Variants in PHF6 observed in about 807,000 individuals in gnomAD.
PHF6 encodes PHD finger protein 6.
A neutral mutation model predicts 34.0 loss-of-function variants in PHF6; 7 were observed. That is an observed-to-expected ratio of 0.21 (90% CI 0.12 to 0.39). The LOEUF is 0.39. Among genes scored for constraint, PHF6 ranks in the 10% least tolerant of loss-of-function variants. PHF6 has a pLI of 1.00. For synonymous variants in PHF6, 89 were observed against 88.4 expected, an observed-to-expected ratio of 1.01 and a Z score of -0.04; for missense variants, 128 against 262.8, an observed-to-expected ratio of 0.49 and a Z score of 3.55.
chrX:134,389,607 A>G (rs1015794049), intron 3 of PHF6, among the ~76,000 whole-genome samples: 2 of 111,422 alleles, frequency 1.8e-5, no homozygotes, highest in Non-Finnish European at 3.8e-5. Flanking sequence ...ATTTCCTATA[A>G]CATTTTTTAA....
intron 3 of PHF6, among the ~76,000 whole-genome samples, chrX:134,391,226 A>G (rs1432668539): frequency 9.0e-6 from 1 of 111,032 alleles, no homozygotes; most frequent in Non-Finnish European, 1.9e-5. Flanking sequence ...CGCCCGTCTC[A>G]GCCTCCCAAA....
intron 5 of PHF6, among the ~76,000 whole-genome samples, chrX:134,397,477 C>T (rs755811878): frequency 1.4e-4 from 16 of 111,322 alleles, no homozygotes; most frequent in Non-Finnish European, 2.1e-4. Flanking sequence ...GGTGAAACCC[C>T]GTCTCTACTA....
chrX:134,427,243 A>T lies in PHF6; in HGVS notation c.*1583A>T. The T allele has an allele frequency of 6.0e-6, 1 of 165,515 alleles. No homozygotes were observed. Among genetic ancestry groups the T allele is most frequent in the Non-Finnish European group, 1.2e-5 (1 of 85,084 alleles). The allele number at this position is 165,515 out of a possible 1,213,427, so 13.6% of individuals were successfully genotyped here. ...TTTCTCTTTTTGCTCTTAATATGCCATTGGGTTTTTGTGTGTATGTGATTT... is the reference window on the plus strand; with the variant it reads ...TTTCTCTTTTTGCTCTTAATATGCCTTTGGGTTTTTGTGTGTATGTGATTT... On this transcript the variant is annotated 3_prime_UTR_variant, in exon 11 of 11. Coordinates refer to ENST00000370803, the MANE Select transcript of PHF6 (RefSeq NM_001015877.2).
chrX:134,421,813 T>TA (rs199852581), intron 9 of PHF6, among the ~76,000 whole-genome samples: 17,109 of 99,273 alleles, frequency 0.17, 1,511 homozygotes, highest in East Asian at 0.43. Flanking sequence ...TTGCTTTCTT[T>TA]AAAAAAAAAA....
chrX:134,393,808 C>A, intron 4 of PHF6, 101 bp from the exon 5 acceptor site: 2 of 835,865 alleles, frequency 2.4e-6, no homozygotes, highest in Non-Finnish European at 3.5e-6. Context: ...ATTTTGAATC[C>A]AGCTAGTGAA....
intron 9 of PHF6, among the ~76,000 whole-genome samples, chrX:134,424,887 C>A (rs1431745240): frequency 9.0e-6 from 1 of 111,226 alleles, no homozygotes; most frequent in Non-Finnish European, 1.9e-5. Context: ...CATCAATATA[C>A]CTGAAGGTTG....
chrX:134,396,705 G>A (rs1043806962), intron 5 of PHF6, among the ~76,000 whole-genome samples: 1 of 110,538 alleles, frequency 9.0e-6, no homozygotes, highest in African/African-American at 3.3e-5. Context: ...ATTGATTTCT[G>A]GCTTTTATCA....
chrX:134,402,669 A>G (rs1243261442), intron 5 of PHF6, among the ~76,000 whole-genome samples: 1 of 112,235 alleles, frequency 8.9e-6, no homozygotes, highest in East Asian at 2.8e-4. Flanking sequence ...ATTTTATTGC[A>G]CTTCAGTTTA....
chrX:134,389,099 T>C (rs1389860783), intron 3 of PHF6, among the ~76,000 whole-genome samples: 2 of 111,581 alleles, frequency 1.8e-5, no homozygotes, highest in Non-Finnish European at 3.8e-5. Flanking sequence ...GTTTACTAGG[T>C]CGACTAGGTA....
At chrX:134,384,456 T>C (rs755058394) in intron 3 of PHF6, among the ~76,000 whole-genome samples, 5 of 110,712 alleles carry the variant, frequency 4.5e-5, no homozygotes, top group Non-Finnish European at 9.4e-5. Context: ...TTGTCTACTC[T>C]ACATAGATGT....
chrX:134,391,042 T>C (rs2077351867), intron 3 of PHF6, among the ~76,000 whole-genome samples: 2 of 104,039 alleles, frequency 1.9e-5, no homozygotes, highest in Admixed American at 2.1e-4. Flanking sequence ...TGGTACAATC[T>C]CAGCTCACCG....
chrX:134,378,218 A>C, intron 3 of PHF6, 112 bp downstream of exon 3: 1 of 464,780 alleles, frequency 2.2e-6, no homozygotes, highest in African/African-American at 2.5e-5. Context: ...TTTAAATTGC[A>C]GGCTTTTCTT....
intron 5 of PHF6, among the ~76,000 whole-genome samples, chrX:134,400,138 G>A (rs1279254893): frequency 3.6e-5 from 4 of 111,343 alleles, no homozygotes; most frequent in Non-Finnish European, 7.5e-5. Flanking sequence ...GAATCCAGTG[G>A]CTCAATCACG....
intron 5 of PHF6, among the ~76,000 whole-genome samples, chrX:134,404,858 A>G (rs1452842940): frequency 8.9e-6 from 1 of 112,081 alleles, no homozygotes; most frequent in Admixed American, 9.5e-5. Context: ...TAATGAAGGT[A>G]CATACCCTTT....
chrX:134,397,726 C>A (rs1163958403), intron 5 of PHF6, among the ~76,000 whole-genome samples: 1 of 111,831 alleles, frequency 8.9e-6, no homozygotes, highest in Admixed American at 9.5e-5. Context: ...GGACAGAGTC[C>A]TTCCGGAATT....
intron 3 of PHF6, among the ~76,000 whole-genome samples, chrX:134,391,324 A>G (rs1431610781): frequency 8.9e-6 from 1 of 112,150 alleles, no homozygotes; most frequent in Non-Finnish European, 1.9e-5. Flanking sequence ...AGACTGTTCT[A>G]AATAATTCTA....
intron 3 of PHF6, among the ~76,000 whole-genome samples, chrX:134,387,040 C>T (rs781473296): frequency 9.0e-6 from 1 of 111,481 alleles, no homozygotes; most frequent in African/African-American, 3.3e-5. Flanking sequence ...TGTAGCTAAG[C>T]GTACATGCAT....
At position 134,413,482 on chromosome X, in the gene PHF6, T is replaced by G; in HGVS notation, c.419-9T>G. 8.3e-7 allele frequency: 1 copy of G among 1,210,692 alleles called. No homozygotes were observed. Among genetic ancestry groups the G allele is most frequent in the Non-Finnish European group, 1.1e-6 (1 of 894,818 alleles). ...GGTCCATAAAAAGTTTTTGTTCATT[T>G]TTAAGCAGCTGATTTAGAAGAAAGT... On this transcript the variant is annotated splice_polypyrimidine_tract_variant and intron_variant, in intron 5 of 10. Coordinates refer to ENST00000370803, the MANE Select transcript of PHF6 (RefSeq NM_001015877.2).
At chrX:134,381,742 C>T (rs1477549733) in intron 3 of PHF6, among the ~76,000 whole-genome samples, 2 of 110,788 alleles carry the variant, frequency 1.8e-5, no homozygotes, top group East Asian at 2.8e-4. Flanking sequence ...CTACCAGCCT[C>T]GGCCTCCCAA....
Sources: allele counts gnomAD v4.1 joint callset (sites outside exome capture counted in the v4.1 genomes callset), GRCh38; gene constraint gnomAD v4.1.1; transcripts MANE v1.5; gene names NCBI Gene and HGNC (gene_info 2026-07-23, HGNC 2026-07-21).